The following LRRC28 variants were observed in gnomAD, a reference collection of about 807,000 sequenced individuals.
LRRC28 encodes the protein leucine rich repeat containing 28.
Under a neutral mutation model 45.7 loss-of-function variants are expected in LRRC28, and 39 were observed. The observed-to-expected ratio is 0.85, with a 90% CI of 0.66 to 1.12. The LOEUF is 1.12. Ranked by LOEUF, LRRC28 falls within the 50% of genes most tolerant of loss-of-function variation. The pLI is 0.00. For synonymous variants in LRRC28, 206 were observed against 178.8 expected (o/e 1.15, Z -1.22); for missense variants, 435 against 438.5 (o/e 0.99, Z 0.07).
At chr15:99,282,177 G>GTTTTTTTTTTTTTTTTTGTTTTT (rs766338889) in intron 3 of LRRC28, among the ~76,000 whole-genome samples, 1 of 98,048 alleles carries the variant, frequency 1.0e-5, no homozygotes, top group Admixed American at 1.3e-4. Context: ...ATTTTTGGAG[G>GTTTTTTTTTTTTTTTTTGTTTTT]TTTTTTTTTT....
At chr15:99,315,862 A>G (rs1430736335) in intron 5 of LRRC28, among the ~76,000 whole-genome samples, 1 of 152,210 alleles carries the variant, frequency 6.6e-6, no homozygotes, top group Non-Finnish European at 1.5e-5. Flanking sequence ...AGTGAGTCGT[A>G]CATTCCAGCT....
chr15:99,328,410 G>T (rs1436148693), intron 5 of LRRC28, among the ~76,000 whole-genome samples: 3 of 151,976 alleles, frequency 2.0e-5, no homozygotes, highest in African/African-American at 4.8e-5. Flanking sequence ...AGTACATTTT[G>T]GTTTTACCAG....
At chr15:99,308,963 C>T (rs1451100387) in intron 5 of LRRC28, among the ~76,000 whole-genome samples, 1 of 152,178 alleles carries the variant, frequency 6.6e-6, no homozygotes, top group Non-Finnish European at 1.5e-5. Context: ...ATTAATTCTA[C>T]TAAGGAATAG....
At chr15:99,362,600 A>C (rs371213805) in intron 8 of LRRC28, among the ~76,000 whole-genome samples, 261 of 152,350 alleles carry the variant, frequency 1.7e-3, no homozygotes, top group South Asian at 1.7e-3. Flanking sequence ...TAAGTCAAGC[A>C]AACGCTTGGT....
chr15:99,306,181 C>T (rs928247829), intron 5 of LRRC28, among the ~76,000 whole-genome samples: 2 of 152,190 alleles, frequency 1.3e-5, no homozygotes, highest in Non-Finnish European at 1.5e-5. Flanking sequence ...AGGCATTTCT[C>T]TTTGCTGTTG....
intron 5 of LRRC28, among the ~76,000 whole-genome samples, chr15:99,318,018 T>G (rs908394416): frequency 6.6e-6 from 1 of 152,204 alleles, no homozygotes; most frequent in African/African-American, 2.4e-5. Flanking sequence ...CTCTTTGTAG[T>G]ATTTTTGCAA....
At chr15:99,375,185 G>A (rs532740314) in intron 9 of LRRC28, among the ~76,000 whole-genome samples, 2 of 152,236 alleles carry the variant, frequency 1.3e-5, no homozygotes, top group South Asian at 2.1e-4. Flanking sequence ...TTTTAATCAA[G>A]GAAAAGTGTT....
chr15:99,352,525 T>C, intron 7 of LRRC28, 54 bp downstream of exon 7: 1 of 1,416,790 alleles, frequency 7.1e-7, no homozygotes, highest in African/African-American at 1.4e-5. Context: ...CTTTTGGTAC[T>C]TCTGTTCAAT....
chr15:99,270,527 A>T (rs1038649741), intron 2 of LRRC28, among the ~76,000 whole-genome samples: 3 of 151,866 alleles, frequency 2.0e-5, no homozygotes, highest in African/African-American at 7.3e-5. Context: ...ATCACAAAAT[A>T]TGAAACTTTG....
chr15:99,263,014 G>T (rs750278211), intron 2 of LRRC28, among the ~76,000 whole-genome samples: 1 of 151,852 alleles, frequency 6.6e-6, no homozygotes, highest in Non-Finnish European at 1.5e-5. Flanking sequence ...AGGTGAAAAA[G>T]AAGTAGTTGT....
chr15:99,253,657 T>G (rs1327115632), intron 1 of LRRC28, among the ~76,000 whole-genome samples: 1 of 152,226 alleles, frequency 6.6e-6, no homozygotes, highest in African/African-American at 2.4e-5. Context: ...AGGGTTTATT[T>G]AGTAAGATGT....
At chr15:99,308,491 C>T (rs1955274001) in intron 5 of LRRC28, among the ~76,000 whole-genome samples, 1 of 152,064 alleles carries the variant, frequency 6.6e-6, no homozygotes, top group Admixed American at 6.6e-5. Flanking sequence ...CATAGTAAGA[C>T]CTTGTCTCTA....
intron 3 of LRRC28, among the ~76,000 whole-genome samples, chr15:99,277,921 T>C (rs2081662537): frequency 6.6e-6 from 1 of 152,222 alleles, no homozygotes; most frequent in African/African-American, 2.4e-5. Flanking sequence ...AAGTATTTAA[T>C]CTTTTTTTAC....
chr15:99,333,904 A>AT lies in LRRC28; in HGVS notation c.386-15dup. 1 of 1,613,050 alleles carries AT rather than the reference A, an allele frequency of 6.2e-7. No homozygotes were observed. The highest frequency in any genetic ancestry group is 1.1e-5 in the South Asian group (1 of 91,050). ...GTTCATAAGGATGCAATTTATCCTA[A>AT]TTTTGATTTTGGTTGTAGAGGTTGG... On this transcript the variant is annotated intron_variant, in intron 5 of 9. Transcript: ENST00000301981.
chr15:99,357,056 C>G (rs950419955), intron 7 of LRRC28, among the ~76,000 whole-genome samples: 1 of 152,202 alleles, frequency 6.6e-6, no homozygotes, highest in Admixed American at 6.5e-5. Context: ...CACTTCTTCC[C>G]TTTCCTTTTA....
intron 6 of LRRC28, among the ~76,000 whole-genome samples, chr15:99,343,153 A>G (rs972362948): frequency 1.2e-4 from 19 of 152,238 alleles, no homozygotes; most frequent in African/African-American, 4.6e-4. Flanking sequence ...TTGGTTTAAC[A>G]TTGATAGAGC....
chr15:99,267,539 A>C (rs1252150240), intron 2 of LRRC28, among the ~76,000 whole-genome samples: 1 of 152,164 alleles, frequency 6.6e-6, no homozygotes, highest in Non-Finnish European at 1.5e-5. Context: ...CCATGATTGC[A>C]CTGTTCTTGA....
chr15:99,370,206 T>G (rs903512454), intron 9 of LRRC28, among the ~76,000 whole-genome samples: 6 of 152,242 alleles, frequency 3.9e-5, no homozygotes, highest in African/African-American at 7.2e-5. Context: ...ACTGTGCTGT[T>G]CAATTAGCTA....
chr15:99,340,684 A>G (rs1490941256), intron 6 of LRRC28, among the ~76,000 whole-genome samples: 1 of 152,254 alleles, frequency 6.6e-6, no homozygotes, highest in Non-Finnish European at 1.5e-5. Flanking sequence ...ACTTCATTCT[A>G]GTATGGACAA....
Sources: allele counts gnomAD v4.1 joint callset (sites outside exome capture counted in the v4.1 genomes callset), GRCh38; gene constraint gnomAD v4.1.1; transcripts MANE v1.5; gene names NCBI Gene and HGNC (gene_info 2026-07-23, HGNC 2026-07-21).